The following AKT3 variants were observed in gnomAD, a reference collection of about 807,000 sequenced individuals.
AKT3 encodes the protein AKT serine/threonine kinase 3.
Under a neutral mutation model 65.3 loss-of-function variants are expected in AKT3, and 15 were observed. The observed-to-expected ratio is 0.23, with a 90% confidence interval of 0.15 to 0.35. AKT3 has a LOEUF of 0.35. AKT3 is among the 10% of genes least tolerant of loss of function. AKT3 has a pLI of 1.00. For synonymous variants in AKT3, 206 were observed against 183.8 expected (o/e 1.12, Z -0.98); for missense variants, 243 against 576.5 (o/e 0.42, Z 5.92).
At chr1:243,639,245 C>T (rs1680197716) in intron 5 of AKT3, among the ~76,000 whole-genome samples, 1 of 152,090 alleles carries the variant, frequency 6.6e-6, no homozygotes, top group Non-Finnish European at 1.5e-5. Flanking sequence ...GGTTAAATAC[C>T]TTTCATCAAA....
At chr1:243,684,038 C>G (rs1247271719) in intron 3 of AKT3, among the ~76,000 whole-genome samples, 2 of 152,048 alleles carry the variant, frequency 1.3e-5, no homozygotes, top group East Asian at 3.8e-4. Context: ...TGGTCTATAC[C>G]CCGTTCCCCT....
At chr1:243,746,010 T>C (rs1420103035) in intron 2 of AKT3, among the ~76,000 whole-genome samples, 1 of 152,216 alleles carries the variant, frequency 6.6e-6, no homozygotes, top group African/African-American at 2.4e-5. Context: ...AACTCTAAAA[T>C]TCAGCTTTAA....
chr1:243,551,892 T>C (rs1425344413), intron 11 of AKT3, among the ~76,000 whole-genome samples: 2 of 152,200 alleles, frequency 1.3e-5, no homozygotes, highest in Non-Finnish European at 2.9e-5. Flanking sequence ...AGTTCTTCAA[T>C]TCATAGCTGT....
chr1:243,713,875 A>T (rs1306419463), intron 2 of AKT3, among the ~76,000 whole-genome samples: 1 of 152,000 alleles, frequency 6.6e-6, no homozygotes, highest in East Asian at 1.9e-4. Flanking sequence ...CCCTTAACAA[A>T]GCCCTGTGAA....
At chr1:243,702,831 T>C (rs1300162628) in intron 2 of AKT3, 5 of 152,132 alleles carry the variant, frequency 3.3e-5, no homozygotes, top group Non-Finnish European at 7.4e-5. Flanking sequence ...TAAACTAGTC[T>C]TCCAAAGAAA....
intron 2 of AKT3, among the ~76,000 whole-genome samples, chr1:243,796,540 G>C (rs147411647): frequency 1.3e-5 from 2 of 152,052 alleles, no homozygotes; most frequent in Non-Finnish European, 2.9e-5. Context: ...AAAATAATAC[G>C]GCCAATGTAT....
intron 12 of AKT3, among the ~76,000 whole-genome samples, chr1:243,524,334 T>C (rs1457370769): frequency 6.6e-6 from 1 of 152,190 alleles, no homozygotes; most frequent in African/African-American, 2.4e-5. Context: ...CACCAGCCTC[T>C]GCTGACTCCT....
chr1:243,683,913 A>G (rs966391359), intron 3 of AKT3, among the ~76,000 whole-genome samples: 2 of 152,096 alleles, frequency 1.3e-5, no homozygotes, highest in African/African-American at 4.8e-5. Context: ...ATACTGAAGG[A>G]TTTTATTACT....
intron 12 of AKT3, among the ~76,000 whole-genome samples, chr1:243,533,630 AC>A (rs1211776356): frequency 6.6e-6 from 1 of 152,218 alleles, no homozygotes; most frequent in East Asian, 1.9e-4. Context: ...GCTCAATTAA[AC>A]CAGAGAAGGC....
chr1:243,605,199 T>TC (rs896685118), intron 8 of AKT3, among the ~76,000 whole-genome samples: 21 of 147,228 alleles, frequency 1.4e-4, no homozygotes, highest in African/African-American at 4.4e-4. Flanking sequence ...ATGGCTAACT[T>TC]TTTTTTTTTT....
At chr1:243,802,125 C>T (rs982230713) in intron 2 of AKT3, among the ~76,000 whole-genome samples, 34 of 152,236 alleles carry the variant, frequency 2.2e-4, no homozygotes, top group African/African-American at 7.7e-4. Context: ...CCCCAAAGGC[C>T]GCAGCTCATT....
At chr1:243,693,689 T>C (rs1684868375) in intron 3 of AKT3, among the ~76,000 whole-genome samples, 1 of 152,172 alleles carries the variant, frequency 6.6e-6, no homozygotes, top group African/African-American at 2.4e-5. Flanking sequence ...GGTTGGAATT[T>C]GAACTACTTC....
At chr1:243,722,211 G>A (rs1172687792) in intron 2 of AKT3, among the ~76,000 whole-genome samples, 1 of 152,090 alleles carries the variant, frequency 6.6e-6, no homozygotes, top group East Asian at 1.9e-4. Flanking sequence ...GTGTTGCAAG[G>A]ACTAGACTGC....
At chr1:243,572,900 T>A (rs1346469921) in intron 9 of AKT3, 26 bp downstream of exon 9, 1 of 1,587,520 alleles carries the variant, frequency 6.3e-7, no homozygotes, top group Non-Finnish European at 8.5e-7. Context: ...AAAAACAAAT[T>A]TTGATTACTT....
intron 13 of AKT3, among the ~76,000 whole-genome samples, chr1:243,509,501 A>G (rs970603393): frequency 6.6e-6 from 1 of 152,166 alleles, no homozygotes; most frequent in Non-Finnish European, 1.5e-5. Context: ...TGACTAGCCT[A>G]AGAGTCATAT....
intron 5 of AKT3, among the ~76,000 whole-genome samples, chr1:243,637,966 C>T (rs577481418): frequency 1.3e-5 from 2 of 152,104 alleles, no homozygotes; most frequent in African/African-American, 4.8e-5. Flanking sequence ...GATTTTGAAC[C>T]TAGAATTCCT....
intron 6 of AKT3, among the ~76,000 whole-genome samples, chr1:243,617,631 G>A (rs953679012): frequency 2.0e-5 from 3 of 152,110 alleles, no homozygotes; most frequent in Non-Finnish European, 4.4e-5. Flanking sequence ...GGGCTGTAAG[G>A]GAGAACCAAT....
chr1:243,533,851 G>A (rs1001976707), intron 12 of AKT3, among the ~76,000 whole-genome samples: 28 of 152,218 alleles, frequency 1.8e-4, no homozygotes, highest in Admixed American at 1.1e-3. Context: ...TTAGCCGGGC[G>A]TGGTGGTGGG....
At chr1:243,577,645 T>TGATGACAACATCAAAAGC (rs1187720381) in intron 8 of AKT3, among the ~76,000 whole-genome samples, 1 of 152,178 alleles carries the variant, frequency 6.6e-6, no homozygotes, top group Non-Finnish European at 1.5e-5. Flanking sequence ...CAATGTTTCA[T>TGATGACAACATCAAAAGC]GATGACAACA....
Sources: gnomAD v4.1 joint callset for allele counts (sites outside exome capture counted in the v4.1 genomes callset) on GRCh38, gnomAD v4.1.1 for gene constraint, MANE v1.5 for transcripts, NCBI Gene and HGNC (gene_info 2026-07-23, HGNC 2026-07-21) for gene names.